Variants in LUC7L observed in about 807,000 individuals in gnomAD.
The protein encoded by LUC7L is putative RNA-binding protein Luc7-like 1.
Under a neutral mutation model 51.1 loss-of-function variants are expected in LUC7L, and 29 were observed. The ratio of observed to expected loss-of-function variants is 0.57; its 90% CI spans 0.42 to 0.77. The LOEUF (loss-of-function observed/expected upper bound fraction) is 0.77. LUC7L is among the 30% of genes least tolerant of loss of function. The probability of loss-of-function intolerance (pLI) is 0.00; values close to 1 mark genes in which losing one functional copy is unlikely to be tolerated. For synonymous variants in LUC7L, 181 were observed against 180.7 expected (o/e 1.00, Z -0.01); for missense variants, 403 against 511.9 (o/e 0.79, Z 2.05).
At chr16:203,909 G>A (rs1298645284) in intron 5 of LUC7L, among the ~76,000 whole-genome samples, 3 of 151,768 alleles carry the variant, frequency 2.0e-5, no homozygotes, top group South Asian at 4.2e-4. Context: ...TCAGCTACTC[G>A]GGAGGCTGAG....
intron 5 of LUC7L, among the ~76,000 whole-genome samples, chr16:199,809 G>C (rs960902245): frequency 1.2e-4 from 18 of 144,664 alleles, no homozygotes; most frequent in African/African-American, 4.6e-4. Flanking sequence ...GGCCAACTTT[G>C]TGAAACCCCG....
chr16:205,907 T>A (rs2049470345), intron 5 of LUC7L, 97 bp downstream of exon 5: 7 of 1,439,202 alleles, frequency 4.9e-6, no homozygotes, highest in Non-Finnish European at 4.7e-6. Flanking sequence ...ATAAATTTTT[T>A]AAAAAATGGG....
chr16:207,964 A>C, intron 4 of LUC7L, 114 bp downstream of exon 4: 1 of 653,544 alleles, frequency 1.5e-6, no homozygotes, highest in Non-Finnish European at 2.6e-6. Context: ...AGCTGAGATC[A>C]TGCCACTGCA....
At chr16:220,612 T>C in intron 3 of LUC7L, 37 bp downstream of exon 3, 1 of 1,466,330 alleles carries the variant, frequency 6.8e-7, no homozygotes, top group Non-Finnish European at 9.5e-7. Context: ...ATTGGGTTCT[T>C]CGCAGTAGGA....
At chr16:226,022 C>A (rs977313950) in intron 2 of LUC7L, among the ~76,000 whole-genome samples, 1 of 152,088 alleles carries the variant, frequency 6.6e-6, no homozygotes, top group Non-Finnish European at 1.5e-5. Flanking sequence ...GTGAAACTTC[C>A]TTTGACGAGT....
chr16:224,229 C>T (rs2050058924), intron 2 of LUC7L, among the ~76,000 whole-genome samples: 1 of 152,072 alleles, frequency 6.6e-6, no homozygotes, highest in Non-Finnish European at 1.5e-5. Context: ...CATTAGAAAA[C>T]CTCATGAGGC....
intron 7 of LUC7L, chr16:190,826 G>A (rs2048992002): frequency 6.3e-6 from 3 of 474,262 alleles, no homozygotes; most frequent in Non-Finnish European, 1.1e-5. Context: ...GTTGCAGTGA[G>A]CTGAGATTGT....
intron 5 of LUC7L, among the ~76,000 whole-genome samples, chr16:203,752 C>T (rs2049400214): frequency 1.3e-5 from 2 of 151,008 alleles, no homozygotes; most frequent in African/African-American, 4.9e-5. Flanking sequence ...CGCGGTGGCT[C>T]ACACCTGTAA....
At position 227,340 on chromosome 16, in the gene LUC7L, A is replaced by T; in HGVS notation, c.62-4T>A. The T allele has an allele frequency of 1.2e-6, 2 of 1,602,290 alleles. No homozygotes were observed. On this transcript the variant is annotated splice_polypyrimidine_tract_variant and splice_region_variant and intron_variant, in intron 1 of 9. Transcript: ENST00000293872. ...ACCCTCTGTCTGGTTTCGTCTCCTG[A>T]AATTCATTTGTGGTTTTAAATAAGA... is the stretch of plus-strand genomic sequence containing the variant.
At chr16:196,158 A>G (rs1210600786) in intron 6 of LUC7L, among the ~76,000 whole-genome samples, 1 of 152,214 alleles carries the variant, frequency 6.6e-6, no homozygotes, top group Non-Finnish European at 1.5e-5. Context: ...CTGTAATCCC[A>G]GCACTTTGGG....
In LUC7L at chr16:208,168, G is replaced by A; in HGVS notation, c.276C>T (p.Ser92=). 1.2e-6 allele frequency: 2 copies of A among 1,613,040 alleles called. No individual in the cohort carries two copies. The highest frequency in any genetic ancestry group is 1.7e-6 in the Non-Finnish European group (2 of 1,179,414). ...FELDAMDHLE[S]FIAECDRRTE... ...TTCTCCGATCACATTCAGCAATAAAGGACTCCAAGTGATCCATTGCCTAGC... is the reference window on the plus strand; with the variant it reads ...TTCTCCGATCACATTCAGCAATAAAAGACTCCAAGTGATCCATTGCCTAGC... Residue 92 remains serine, a synonymous_variant, in exon 4 of 10, where the codon TCC becomes TCT. Transcript: ENST00000293872.
chr16:216,701 C>A (rs1374910623), intron 3 of LUC7L, among the ~76,000 whole-genome samples: 1 of 151,978 alleles, frequency 6.6e-6, no homozygotes, highest in Admixed American at 6.6e-5. Flanking sequence ...ATATGAGCCC[C>A]CTGTAAGGTC....
chr16:190,748 C>T (rs890429905), intron 7 of LUC7L, 178 bp from the exon 8 acceptor site: 6 of 601,792 alleles, frequency 1.0e-5, no homozygotes, highest in African/African-American at 7.5e-5. Context: ...GGCGTGGTGG[C>T]GGGTGCCTGT....
rs529809213 is a variant in LUC7L, at chr16:228,475, G to A, written c.61+804C>T. 99 of 1,250,230 alleles carry A rather than the reference G, an allele frequency of 7.9e-5. No individual in the cohort carries two copies. In the African/African-American group the frequency reaches 1.5e-3, roughly 19 times the overall value. 77.4% of individuals were successfully genotyped at this position (1,250,230 alleles called of 1,614,324 possible). On this transcript the variant is annotated intron_variant, in intron 1 of 9. Coordinates refer to ENST00000293872, the MANE Select transcript of LUC7L (RefSeq NM_201412.3). ...TAAAAATATGGGAAGCAATTCAAAA[G>A]CAACTCAATATACAAAGAAAGCTAA...
At chr16:189,798 C>T in intron 9 of LUC7L, 170 bp downstream of exon 9, 1 of 1,429,922 alleles carries the variant, frequency 7.0e-7, no homozygotes, top group Non-Finnish European at 9.1e-7. Flanking sequence ...CGAGCTCCTC[C>T]ACAGCCCTCT....
intron 1 of LUC7L, 39 bp downstream of exon 1, chr16:229,240 C>A: frequency 6.6e-7 from 1 of 1,522,172 alleles, no homozygotes; most frequent in Non-Finnish European, 8.8e-7. Flanking sequence ...CGCCTCACTC[C>A]CACCCCAGAC....
chr16:206,396 T>C (rs994159354), intron 4 of LUC7L, among the ~76,000 whole-genome samples: 2 of 152,184 alleles, frequency 1.3e-5, no homozygotes, highest in Non-Finnish European at 2.9e-5. Flanking sequence ...AGATTGGTCA[T>C]TGTCTAGGCT....
intron 3 of LUC7L, among the ~76,000 whole-genome samples, chr16:219,795 G>A (rs2049913861): frequency 6.6e-6 from 1 of 151,972 alleles, no homozygotes; most frequent in African/African-American, 2.4e-5. Context: ...CTTGAACCTG[G>A]GAGGAGTAGG....
At chr16:198,947 T>C (rs1023059373) in intron 6 of LUC7L, 115 bp downstream of exon 6, 7 of 1,023,754 alleles carry the variant, frequency 6.8e-6, no homozygotes, top group Non-Finnish European at 9.6e-6. Flanking sequence ...CCCAAAGTGC[T>C]GGGATTATAG....
Sources: gnomAD v4.1 joint callset for allele counts (sites outside exome capture counted in the v4.1 genomes callset) on GRCh38, gnomAD v4.1.1 for gene constraint, MANE v1.5 for transcripts, NCBI Gene and HGNC (gene_info 2026-07-23, HGNC 2026-07-21) for gene names.